The following GBA2 variants were observed in gnomAD, a reference collection of about 807,000 sequenced individuals.
GBA2 encodes non-lysosomal glucosylceramidase.
In GBA2, 79 loss-of-function variants were observed where a neutral mutation model predicts 112.9. The observed-to-expected ratio is 0.70, with a 90% CI of 0.58 to 0.84. The LOEUF (loss-of-function observed/expected upper bound fraction) is 0.84, where lower values mean the gene tolerates loss of function less well. Ranked by LOEUF, GBA2 falls within the 40% of genes least tolerant of loss-of-function variation. The pLI is 0.00. For missense variants in GBA2, 1,043 were observed against 1,190.0 expected, an observed-to-expected ratio of 0.88 and a Z score of 1.82; for synonymous variants, 403 against 434.3, an observed-to-expected ratio of 0.93 and a Z score of 0.90.
chr9:35,737,579 CACAG>C lies in GBA2; in HGVS notation c.2506-136_2506-133del. 6.4e-7 allele frequency: 1 copy of C among 1,558,482 alleles called. No homozygotes were observed. ...GCAAGTGGAGGAGATAACTATGACC[CACAG>C]ACAGAAGCCTGAAGGCAGGAGCTGG... On this transcript the variant is annotated intron_variant, in intron 16 of 16. Coordinates refer to ENST00000378103, the MANE Select transcript of GBA2 (RefSeq NM_020944.3). The surrounding 1 kb of genome is among the most constrained non-coding windows in gnomAD (Gnocchi z 4.1).
chr9:35,737,680 T>A lies in GBA2; in HGVS notation c.2505+68A>T, dbSNP rs774853771. Reference sequence around the variant, plus strand: ...GCATTGGGTTATGCCTTGAAGAAATTTGGTGGTTGAGGAAGTTTTCTGGGC... The same window carrying A: ...GCATTGGGTTATGCCTTGAAGAAATATGGTGGTTGAGGAAGTTTTCTGGGC... On this transcript the variant is annotated intron_variant, in intron 16 of 16. Transcript: ENST00000378103. This position sits in a 1 kb window ranked among gnomAD's most constrained non-coding sequence, Gnocchi z 4.1. The A allele has an allele frequency of 6.2e-7, 1 of 1,612,452 alleles. No individual in the cohort carries two copies. The highest frequency in any genetic ancestry group is 8.5e-7 in the Non-Finnish European group (1 of 1,178,666).
At chr9:35,742,226 A>C (rs945673039) in intron 3 of GBA2, among the ~76,000 whole-genome samples, 1 of 152,162 alleles carries the variant, frequency 6.6e-6, no homozygotes, top group Non-Finnish European at 1.5e-5. Flanking sequence ...AGGATGTTTC[A>C]GTGACTCCCC....
intron 1 of GBA2, among the ~76,000 whole-genome samples, chr9:35,745,777 G>T (rs1410936424): frequency 6.6e-6 from 1 of 151,970 alleles, no homozygotes; most frequent in Non-Finnish European, 1.5e-5. Flanking sequence ...ATTCCAGATG[G>T]GTCCTCACTA....
In GBA2 at chr9:35,737,489, C is replaced by G; in HGVS notation, c.2506-42G>C. ...CAGTCATACATACTAACTTGGCACC[C>G]TCTGAAGAGCCACTTCCACTGGATA... On this transcript the variant is annotated intron_variant, in intron 16 of 16. Coordinates refer to ENST00000378103, the MANE Select transcript of GBA2 (RefSeq NM_020944.3). The surrounding 1 kb of genome is among the most constrained non-coding windows in gnomAD (Gnocchi z 4.1). The G allele has an allele frequency of 6.3e-7, 1 of 1,598,064 alleles. No homozygotes were observed. Among genetic ancestry groups the G allele is most frequent in the Non-Finnish European group, 8.5e-7 (1 of 1,171,978 alleles).
At chr9:35,742,426 T>G (rs1260423377) in intron 3 of GBA2, among the ~76,000 whole-genome samples, 1 of 152,232 alleles carries the variant, frequency 6.6e-6, no homozygotes, top group Admixed American at 6.5e-5. Flanking sequence ...CGCTATCTGG[T>G]GAAACCTCTC....
In GBA2 at chr9:35,740,698, C is replaced by G; in HGVS notation, c.1027-70G>C. The G allele has an allele frequency of 6.6e-7, 1 of 1,522,976 alleles. No homozygotes were observed. Among genetic ancestry groups the G allele is most frequent in the Non-Finnish European group, 9.1e-7 (1 of 1,101,116 alleles). 94.3% of individuals were successfully genotyped at this position (1,522,976 alleles called of 1,614,324 possible). On this transcript the variant is annotated intron_variant, in intron 5 of 16. Coordinates refer to ENST00000378103, the MANE Select transcript of GBA2 (RefSeq NM_020944.3). The surrounding 1 kb of genome is among the most constrained non-coding windows in gnomAD (Gnocchi z 4.7). ...CTGGGTCCCGGCTAGCTCCCCAGCT[C>G]CTCTTACTTACTCTTAACCTCCCAG...
At chr9:35,744,267 G>T in intron 3 of GBA2, 30 bp downstream of exon 3, 1 of 1,264,902 alleles carries the variant, frequency 7.9e-7, no homozygotes, top group Non-Finnish European at 1.2e-6. Flanking sequence ...GGGAGGTATT[G>T]TCCTGGCCTC....
chr9:35,742,965 C>T (rs979001026), intron 3 of GBA2, among the ~76,000 whole-genome samples: 7 of 152,182 alleles, frequency 4.6e-5, no homozygotes, highest in Admixed American at 2.0e-4. Context: ...CGAATATGTA[C>T]ACACTTTATT....
At position 35,738,773 on chromosome 9, in the gene GBA2, C is replaced by T. The variant is rs1219488956; in HGVS notation, c.1926G>A (p.Lys642=). The T allele has an allele frequency of 6.2e-7, 1 of 1,614,084 alleles. No individual in the cohort carries two copies. Among genetic ancestry groups the T allele is most frequent in the Non-Finnish European group, 8.5e-7 (1 of 1,180,020 alleles). The part of the protein sequence containing the change: ...YYLTGDQNFL[K]DMWPVCLAVM... The stretch of plus-strand genomic sequence containing the variant: ...TTACTAGACACACAGGCCACATGTC[C>T]TTCAGGAAGTTTTGATCACCCGTGA... Residue 642 remains lysine (K), a synonymous_variant, in exon 12 of 17, where the codon AAG becomes AAA. Transcript: ENST00000378103.
At position 35,738,868 on chromosome 9, in the gene GBA2, T is replaced by C; in HGVS notation, c.1831A>G (p.Ile611Val). ...TCCTTCCAATCAGCAGTATCATGGA[T>C]TAAATATGCATTGACGCGGAGCCAT... ...EPWLRVNAYL[I>V]HDTADWKDLN... The change falls in exon 12 of 17, where the codon ATC becomes GTC. Residue 611 changes from isoleucine (I) to valine (V), a missense_variant. Coordinates refer to ENST00000378103, the MANE Select transcript of GBA2 (RefSeq NM_020944.3). The C allele has an allele frequency of 6.2e-7, 1 of 1,614,090 alleles. No individual in the cohort carries two copies. Among genetic ancestry groups the C allele is most frequent in the East Asian group, 2.2e-5 (1 of 44,878 alleles).
rs1441576282 is a variant in GBA2 at position 35,739,755 on chromosome 9, G to T, written c.1455C>A (p.Tyr485Ter). Residue 485 changes from tyrosine (Y) to a stop codon, truncating the protein, a stop_gained, in exon 9 of 17, where the codon TAC (tyrosine) becomes TAA (stop). Transcript: ENST00000378103. LOFTEE classifies it high-confidence loss of function. ...ACACTGTGCCTCCATCAGCCAGGAA[G>T]TATAGTTCATTGAACAGCGCAGATT... Reference protein sequence around the residue: ...WYKSALFNELYFLADGGTVWL... With the variant: ...WYKSALFNEL 6.2e-7 allele frequency: 1 copy of T among 1,614,066 alleles called. No individual in the cohort carries two copies.
At position 35,748,482 on chromosome 9, in the gene GBA2, T is replaced by C; in HGVS notation, c.223A>G (p.Lys75Glu). 2 of 1,614,188 alleles carry C rather than the reference T, an allele frequency of 1.2e-6. No individual in the cohort carries two copies. The highest frequency in any genetic ancestry group is 1.7e-6 in the Non-Finnish European group (2 of 1,179,996). Residue 75 changes from lysine to glutamate, a missense_variant, in exon 1 of 17, where the codon AAA (lysine) becomes GAA (glutamate). Lys to Glu is a moderately conservative substitution (Grantham distance 56). Coordinates refer to ENST00000378103, the MANE Select transcript of GBA2 (RefSeq NM_020944.3). ...GGAGGCACCTGGTAGCCCATAGCTT[T>C]ACCCTCATAGGAAACCATCAGCTGC... ...SGQLMVSYEG[K>E]AMGYQVPPFG... is the part of the protein sequence containing the mutation.
chr9:35,738,630 A>G lies in GBA2; in HGVS notation c.1950T>C (p.Ala650=). 6.2e-7 allele frequency: 1 copy of G among 1,611,672 alleles called. No individual in the cohort carries two copies. Among genetic ancestry groups the G allele is most frequent in the Non-Finnish European group, 8.5e-7 (1 of 1,177,706 alleles). The change falls in exon 13 of 17, where the codon GCT becomes GCC. Residue 650 remains alanine, a splice_region_variant and synonymous_variant. Coordinates refer to ENST00000378103, the MANE Select transcript of GBA2 (RefSeq NM_020944.3). ...FLKDMWPVCL[A]VMESEMKFDK... is the part of the protein sequence containing the mutation. ...CAAACTTCATTTCAGATTCCATCAC[A>G]GCCTAGAGAGGGACCAAGATGTTGA...
rs1199143679 is a variant in GBA2, at chr9:35,744,748, G to A, written c.360-42C>T. 3.7e-6 allele frequency: 4 copies of A among 1,092,154 alleles called. No individual in the cohort carries two copies. In the East Asian group the frequency reaches 9.4e-5, roughly 26 times the overall value. 67.7% of individuals were successfully genotyped at this position (1,092,154 alleles called of 1,614,324 possible). ...AATGTGAGTGGAAGGGGGCAGGTGG[G>A]CAGCTGTTCACAGGCTGAGTCACCT... On this transcript the variant is annotated intron_variant, in intron 1 of 16. Transcript: ENST00000378103.
In GBA2 at chr9:35,748,783, T is replaced by C. The variant is rs931654979; in HGVS notation, c.-79A>G. The C allele has an allele frequency of 9.0e-6, 8 of 887,922 alleles. No homozygotes were observed. Among genetic ancestry groups the C allele is most frequent in the Non-Finnish European group, 1.2e-5 (7 of 577,842 alleles). 55.0% of individuals were successfully genotyped at this position (887,922 alleles called of 1,614,324 possible). On this transcript the variant is annotated 5_prime_UTR_variant, in exon 1 of 17. Coordinates refer to ENST00000378103, the MANE Select transcript of GBA2 (RefSeq NM_020944.3). ...TATTCCAGATGCGGGCGCCGGTCGT[T>C]GTTAGGTATCGTCCCGGAGGGCCGG... is the stretch of plus-strand genomic sequence containing the variant.
intron 3 of GBA2, 98 bp downstream of exon 3, chr9:35,744,199 T>C: frequency 1.4e-6 from 1 of 729,508 alleles, no homozygotes. Flanking sequence ...GATTGAATCT[T>C]ATTCACATCT....
At position 35,739,870 on chromosome 9, in the gene GBA2, C is replaced by T. The variant is rs534718073; in HGVS notation, c.1410-70G>A. The T allele has an allele frequency of 2.6e-6, 4 of 1,564,572 alleles. No individual in the cohort carries two copies. The African/African-American group carries it at 4.0e-5, about 16-fold the overall frequency. ...CCAAGATGGAAAGGATTTGGGGGTT[C>T]AGCAGAGTGGGATCATCAAATGAAT... On this transcript the variant is annotated intron_variant, in intron 8 of 16. Coordinates refer to ENST00000378103, the MANE Select transcript of GBA2 (RefSeq NM_020944.3).
At position 35,741,970 on chromosome 9, in the gene GBA2, TC is replaced by T; in HGVS notation, c.568-81del. ...TCTTCCCTCTCCTCAAATCAGCTCCTCCCCTTTCAGAGCCTGCAACTGTTAC... is the reference window on the plus strand; with the variant it reads ...TCTTCCCTCTCCTCAAATCAGCTCCTCCCTTTCAGAGCCTGCAACTGTTAC... On this transcript the variant is annotated intron_variant, in intron 3 of 16. Transcript: ENST00000378103. The surrounding 1 kb of genome is among the most constrained non-coding windows in gnomAD (Gnocchi z 4.6). The T allele has an allele frequency of 4.3e-6, 4 of 923,596 alleles. No homozygotes were observed. In the South Asian group the frequency reaches 5.5e-5, roughly 13 times the overall value. 57.2% of individuals were successfully genotyped at this position (923,596 alleles called of 1,614,324 possible).
chr9:35,738,496 C>T (rs755981928), intron 13 of GBA2, 30 bp downstream of exon 13: 7 of 1,592,470 alleles, frequency 4.4e-6, no homozygotes, highest in Non-Finnish European at 6.0e-6. Context: ...TTTCTCACCT[C>T]AGGCCTCCTG....
Sources: allele counts gnomAD v4.1 joint callset (sites outside exome capture counted in the v4.1 genomes callset), GRCh38; gene constraint gnomAD v4.1.1; non-coding constraint Gnocchi (gnomAD v3.1); transcripts MANE v1.5; gene names NCBI Gene and HGNC (gene_info 2026-07-23, HGNC 2026-07-21).